Variants in ACOT12 observed in about 807,000 individuals in gnomAD.
ACOT12 encodes the protein acetyl-coenzyme A thioesterase.
A neutral mutation model predicts 67.7 loss-of-function variants in ACOT12; 51 were observed. The ratio of observed to expected loss-of-function variants is 0.75; its 90% CI spans 0.60 to 0.95. ACOT12 has a LOEUF of 0.95. Among genes scored for constraint, ACOT12 ranks in the 40% least tolerant of loss-of-function variants. The pLI is 0.00. For synonymous variants in ACOT12, 251 were observed against 244.6 expected (o/e 1.03, Z -0.24); for missense variants, 734 against 708.1 (o/e 1.04, Z -0.41).
At chr5:81,337,215 T>G (rs1414311062) in intron 11 of ACOT12, among the ~76,000 whole-genome samples, 1 of 152,224 alleles carries the variant, frequency 6.6e-6, no homozygotes, top group Non-Finnish European at 1.5e-5. Flanking sequence ...TAGGATGGCC[T>G]GCTGGGGCTC....
At chr5:81,384,513 A>T (rs1342601049) in intron 2 of ACOT12, among the ~76,000 whole-genome samples, 3 of 152,238 alleles carry the variant, frequency 2.0e-5, no homozygotes, top group East Asian at 3.9e-4. Context: ...TAGATACACA[A>T]ATAGTCACCA....
At chr5:81,383,210 T>G (rs922652295) in intron 2 of ACOT12, among the ~76,000 whole-genome samples, 1 of 152,032 alleles carries the variant, frequency 6.6e-6, no homozygotes, top group African/African-American at 2.4e-5. Context: ...AAACCCTGTC[T>G]CTAATAAAAA....
chr5:81,361,390 G>A (rs890649806), intron 4 of ACOT12, among the ~76,000 whole-genome samples: 19 of 151,740 alleles, frequency 1.3e-4, no homozygotes, highest in Non-Finnish European at 2.4e-4. Flanking sequence ...TTGTAGAGAT[G>A]AGGGCTCACT....
At chr5:81,313,763 TTC>T in the ACOT12 span, among the ~76,000 whole-genome samples, 15 of 152,348 alleles carry the variant, frequency 9.8e-5, no homozygotes, top group Non-Finnish European at 1.5e-5. Flanking sequence ...AGAAACACTT[TTC>T]TCTGTTTTCA....
intron 1 of ACOT12, among the ~76,000 whole-genome samples, chr5:81,393,339 T>A (rs944594022): frequency 2.0e-4 from 31 of 152,228 alleles, no homozygotes; most frequent in Non-Finnish European, 3.8e-4. Context: ...ATTTCTTTTT[T>A]AAAAATAATT....
chr5:81,332,561 T>A lies in ACOT12; in HGVS notation c.1307A>T (p.Tyr436Phe), dbSNP rs1278228143. The change falls in exon 13 of 15, where the codon TAT becomes TTT. Residue 436 changes from tyrosine (Y) to phenylalanine (F), a missense_variant. Transcript: ENST00000307624. ...IDWVSEDDQL[Y>F]HITCPILNDD... ...ATTCAGTATAGGACAGGTGATGTGA[T>A]ACAGCTGATCATCTTCACTCACCCA... 5 of 1,614,114 alleles carry A rather than the reference T, an allele frequency of 3.1e-6. No homozygotes were observed. The East Asian group carries it at 8.9e-5, about 29-fold the overall frequency.
At chr5:81,312,052 G>C in the ACOT12 span, among the ~76,000 whole-genome samples, 9 of 152,150 alleles carry the variant, frequency 5.9e-5, no homozygotes, top group African/African-American at 2.2e-4. Context: ...TTACAAGCTT[G>C]TCTAGAAGAT....
intron 5 of ACOT12, 75 bp from the exon 6 acceptor site, chr5:81,348,005 C>G: frequency 6.8e-7 from 1 of 1,470,960 alleles, no homozygotes; most frequent in African/African-American, 1.4e-5. Flanking sequence ...TCCTTCCCGG[C>G]AGTACATTCA....
chr5:81,371,066 T>G (rs1449666937), intron 3 of ACOT12, among the ~76,000 whole-genome samples: 1 of 152,222 alleles, frequency 6.6e-6, no homozygotes, highest in Non-Finnish European at 1.5e-5. Flanking sequence ...GACTAGTTTC[T>G]GTCAGAGGTT....
chr5:81,385,675 A>G (rs1209235430), intron 2 of ACOT12, 82 bp downstream of exon 2: 2 of 1,291,884 alleles, frequency 1.5e-6, no homozygotes, highest in African/African-American at 3.0e-5. Flanking sequence ...CCTCTGCCTG[A>G]ATAAGCTCAG....
intron 5 of ACOT12, among the ~76,000 whole-genome samples, chr5:81,357,434 G>A (rs1759751202): frequency 6.6e-6 from 1 of 152,048 alleles, no homozygotes; most frequent in South Asian, 2.1e-4. Context: ...GTCTTTCCTT[G>A]CTGCTGAGAG....
intron 11 of ACOT12, among the ~76,000 whole-genome samples, chr5:81,338,639 T>G (rs1759086277): frequency 6.6e-6 from 1 of 151,944 alleles, no homozygotes; most frequent in African/African-American, 2.4e-5. Context: ...ATACGCCAAC[T>G]CAAACGTTTT....
At chr5:81,320,714 G>C in the ACOT12 span, among the ~76,000 whole-genome samples, 1 of 152,168 alleles carries the variant, frequency 6.6e-6, no homozygotes, top group East Asian at 1.9e-4. Context: ...GCCAGCAGCA[G>C]CAATGAGTAG....
At chr5:81,323,861 C>T in the ACOT12 span, among the ~76,000 whole-genome samples, 11,948 of 105,484 alleles carry the variant, frequency 0.11, 562 homozygotes, top group Middle Eastern at 0.24. Context: ...CATGTATATG[C>T]ATATGTATAT....
chr5:81,323,648 C>T, the ACOT12 span, among the ~76,000 whole-genome samples: 1 of 151,882 alleles, frequency 6.6e-6, no homozygotes. Flanking sequence ...TCTAATGTAC[C>T]ACGCAGACCC....
chr5:81,318,484 TTC>T, the ACOT12 span, among the ~76,000 whole-genome samples: 2 of 146,240 alleles, frequency 1.4e-5, no homozygotes, highest in Admixed American at 1.4e-4. Flanking sequence ...CCTCAAACTT[TTC>T]AAGTTTATTT....
chr5:81,386,882 G>A (rs911890316), intron 1 of ACOT12, among the ~76,000 whole-genome samples: 12 of 151,832 alleles, frequency 7.9e-5, no homozygotes, highest in Admixed American at 3.3e-4. Context: ...TCAAGGAAGG[G>A]AAAATGGAAG....
intron 5 of ACOT12, 55 bp from the exon 6 acceptor site, chr5:81,347,985 C>T: frequency 6.4e-7 from 1 of 1,555,210 alleles, no homozygotes; most frequent in Non-Finnish European, 8.7e-7. Flanking sequence ...GGCCCTGGGG[C>T]TCCAGCTTTT....
chr5:81,311,268 G>A, the ACOT12 span: 1 of 1,614,078 alleles, frequency 6.2e-7, no homozygotes, highest in Admixed American at 1.7e-5. Flanking sequence ...TGCCCTGAAA[G>A]TCAGAATTCA....
Sources: gnomAD v4.1 joint callset for allele counts (sites outside exome capture counted in the v4.1 genomes callset) on GRCh38, gnomAD v4.1.1 for gene constraint, MANE v1.5 for transcripts, NCBI Gene and HGNC (gene_info 2026-07-23, HGNC 2026-07-21) for gene names.